The following STPG2 variants were observed in gnomAD, a reference collection of about 807,000 sequenced individuals.
STPG2 encodes sperm-tail PG-rich repeat-containing protein 2.
STPG2 carries 56 observed loss-of-function variants against 54.2 expected under a neutral mutation model. The ratio of observed to expected loss-of-function variants is 1.03; its 90% CI spans 0.83 to 1.29. The LOEUF (loss-of-function observed/expected upper bound fraction) is 1.29, where lower values mean the gene tolerates loss of function less well. Ranked by LOEUF, STPG2 falls within the 50% of genes most tolerant of loss-of-function variation. The pLI is 0.00. For synonymous variants in STPG2, 200 were observed against 181.8 expected, an observed-to-expected ratio of 1.10 and a Z score of -0.81; for missense variants, 596 against 544.9, an observed-to-expected ratio of 1.09 and a Z score of -0.93.
At chr4:97,749,233 A>G (rs969803869) in intron 9 of STPG2, among the ~76,000 whole-genome samples, 19 of 151,896 alleles carry the variant, frequency 1.3e-4, no homozygotes, top group African/African-American at 4.1e-4. Context: ...AAAAATTTGG[A>G]AACTTTTAGC....
intron 10 of STPG2, among the ~76,000 whole-genome samples, chr4:97,595,756 G>C (rs1255212611): frequency 6.6e-6 from 1 of 152,056 alleles, no homozygotes; most frequent in Non-Finnish European, 1.5e-5. Context: ...CTTACAAGTG[G>C]TCCTGAAGGA....
intron 4 of STPG2, among the ~76,000 whole-genome samples, chr4:97,537,201 G>A (rs1731554511): frequency 6.6e-6 from 1 of 152,092 alleles, no homozygotes; most frequent in African/African-American, 2.4e-5. Context: ...GTGGGTGCAG[G>A]ACAGTGGGTG....
At chr4:98,118,967 T>C (rs577947113) in intron 3 of STPG2, among the ~76,000 whole-genome samples, 1 of 152,238 alleles carries the variant, frequency 6.6e-6, no homozygotes, top group Admixed American at 6.5e-5. Context: ...AATAAAGCTC[T>C]TCTTTATAGT....
At chr4:97,592,070 A>T (rs2148899010) in intron 10 of STPG2, among the ~76,000 whole-genome samples, 1 of 152,338 alleles carries the variant, frequency 6.6e-6, no homozygotes, top group East Asian at 1.9e-4. Flanking sequence ...AGTTACATTT[A>T]ACAAAAGTTG....
intron 7 of STPG2, among the ~76,000 whole-genome samples, chr4:97,948,783 T>C (rs1439388828): frequency 6.6e-6 from 1 of 152,116 alleles, no homozygotes; most frequent in Non-Finnish European, 1.5e-5. Context: ...AGATACTTGC[T>C]ACAGTTTTTA....
chr4:97,567,895 A>C (rs1216956621), intron 10 of STPG2, among the ~76,000 whole-genome samples: 5 of 152,210 alleles, frequency 3.3e-5, no homozygotes, highest in African/African-American at 1.2e-4. Flanking sequence ...CTGAAGAATG[A>C]TAAACCAGAA....
chr4:98,063,625 A>C (rs1019732716), intron 5 of STPG2, among the ~76,000 whole-genome samples: 7 of 152,190 alleles, frequency 4.6e-5, no homozygotes, highest in African/African-American at 1.7e-4. Context: ...AGGAAAAAGA[A>C]AATGATAAGA....
At chr4:97,696,147 A>G (rs1723564994) in intron 10 of STPG2, among the ~76,000 whole-genome samples, 1 of 152,204 alleles carries the variant, frequency 6.6e-6, no homozygotes, top group Non-Finnish European at 1.5e-5. Context: ...AAAACAGCAT[A>G]TTACTGGCAT....
At chr4:98,047,419 G>GGCA (rs1430540376) in intron 5 of STPG2, among the ~76,000 whole-genome samples, 4 of 151,954 alleles carry the variant, frequency 2.6e-5, no homozygotes, top group African/African-American at 9.7e-5. Context: ...CTGACCCACA[G>GGCA]GCAGCAGCTT....
At chr4:98,073,005 T>C (rs1015279198) in intron 5 of STPG2, among the ~76,000 whole-genome samples, 4 of 152,202 alleles carry the variant, frequency 2.6e-5, no homozygotes, top group Non-Finnish European at 5.9e-5. Context: ...ATGAATGCTA[T>C]ATATGAGACG....
intron 7 of STPG2, among the ~76,000 whole-genome samples, chr4:97,962,650 C>A (rs1733932656): frequency 6.6e-6 from 1 of 152,066 alleles, no homozygotes; most frequent in Non-Finnish European, 1.5e-5. Flanking sequence ...TTACTGTGTT[C>A]CAGAAGATAT....
chr4:97,649,306 T>C (rs1277055943), intron 10 of STPG2, among the ~76,000 whole-genome samples: 2 of 152,138 alleles, frequency 1.3e-5, no homozygotes, highest in African/African-American at 2.4e-5. Flanking sequence ...GTTTCTATAA[T>C]AATATTAACA....
chr4:98,077,409 A>C (rs1303454786), intron 5 of STPG2, among the ~76,000 whole-genome samples: 3 of 152,036 alleles, frequency 2.0e-5, no homozygotes, highest in Non-Finnish European at 4.4e-5. Flanking sequence ...CGCCCGCCTA[A>C]TTTTTTGTAT....
chr4:97,755,632 G>A (rs1025810301), intron 9 of STPG2, among the ~76,000 whole-genome samples: 1 of 152,132 alleles, frequency 6.6e-6, no homozygotes, highest in Non-Finnish European at 1.5e-5. Flanking sequence ...TGTCAATTGT[G>A]TGCATACCCA....
intron 9 of STPG2, among the ~76,000 whole-genome samples, chr4:97,778,054 C>A (rs1489192401): frequency 6.6e-6 from 1 of 152,124 alleles, no homozygotes. Context: ...TGGGGTTCGT[C>A]AGACAGTGGG....
chr4:98,090,623 T>C (rs941847175), intron 5 of STPG2, among the ~76,000 whole-genome samples: 2 of 152,102 alleles, frequency 1.3e-5, no homozygotes, highest in Non-Finnish European at 2.9e-5. Context: ...GGGAATTGCA[T>C]TGAATCTGTA....
intron 5 of STPG2, among the ~76,000 whole-genome samples, chr4:98,046,356 A>G (rs1242300549): frequency 6.6e-6 from 1 of 152,054 alleles, no homozygotes; most frequent in African/African-American, 2.4e-5. Flanking sequence ...GAGCTTTGTT[A>G]TTTCATTTGG....
chr4:97,548,816 G>C (rs1731902163), intron 4 of STPG2, among the ~76,000 whole-genome samples: 1 of 152,110 alleles, frequency 6.6e-6, no homozygotes, highest in African/African-American at 2.4e-5. Flanking sequence ...AGGTATGTTA[G>C]AGAAAATTTC....
intron 8 of STPG2, among the ~76,000 whole-genome samples, chr4:97,858,422 C>T (rs1378080259): frequency 6.6e-6 from 1 of 151,940 alleles, no homozygotes; most frequent in Non-Finnish European, 1.5e-5. Flanking sequence ...TATTTTATTT[C>T]AATAGTTTTG....
Sources: allele counts gnomAD v4.1 joint callset (sites outside exome capture counted in the v4.1 genomes callset), GRCh38; gene constraint gnomAD v4.1.1; transcripts MANE v1.5; gene names NCBI Gene and HGNC (gene_info 2026-07-23, HGNC 2026-07-21).